Variants in SLC5A10 observed in about 807,000 individuals in gnomAD.
SLC5A10 encodes sodium/mannose cotransporter SLC5A10.
A neutral mutation model predicts 68.9 loss-of-function variants in SLC5A10; 55 were observed. That is an observed-to-expected ratio of 0.80 (90% CI 0.64 to 1.00). The LOEUF (loss-of-function observed/expected upper bound fraction) is 1.00, where lower values mean the gene tolerates loss of function less well. Ranked by LOEUF, SLC5A10 falls within the 50% of genes least tolerant of loss-of-function variation. SLC5A10 has a pLI of 0.00. For synonymous variants in SLC5A10, 344 were observed against 344.8 expected (o/e 1.00, Z 0.02); for missense variants, 732 against 819.3 (o/e 0.89, Z 1.30).
chr17:19,005,039 G>T (rs1212181894), intron 9 of SLC5A10, among the ~76,000 whole-genome samples: 1 of 152,212 alleles, frequency 6.6e-6, no homozygotes, highest in African/African-American at 2.4e-5. Context: ...ACCCCCCTGT[G>T]CCCCCAGGGT....
chr17:19,013,211 AC>A, intron 9 of SLC5A10, 198 bp from the exon 10 acceptor site: 1 of 738,520 alleles, frequency 1.4e-6, no homozygotes, highest in African/African-American at 1.9e-5. Flanking sequence ...ATGATGGAGA[AC>A]AGCAGGGAAA....
At chr17:18,962,776 G>GC (rs1476028096) in intron 5 of SLC5A10, among the ~76,000 whole-genome samples, 1 of 152,158 alleles carries the variant, frequency 6.6e-6, no homozygotes, top group African/African-American at 2.4e-5. Context: ...TTGTGAGGAG[G>GC]CCCCAGGTAG....
rs755345347 is a variant in SLC5A10, at chr17:18,977,555, AC to A, written c.982+570del. On this transcript the variant is annotated intron_variant, in intron 9 of 14. Transcript: ENST00000395645. The stretch of plus-strand genomic sequence containing the variant: ...GGTGGCTGGCAGGGAGGGACTCGTG[AC>A]CCCTGGTGTGCAGGGACCCTGACCC... 34 of 1,588,496 alleles carry A rather than the reference AC, an allele frequency of 2.1e-5. No individual in the cohort carries two copies. In the African/African-American group the frequency reaches 4.3e-4, roughly 20 times the overall value.
intron 9 of SLC5A10, among the ~76,000 whole-genome samples, chr17:18,997,038 T>G (rs1055667873): frequency 6.6e-6 from 1 of 152,202 alleles, no homozygotes; most frequent in Non-Finnish European, 1.5e-5. Flanking sequence ...CCCTTGACAT[T>G]CATCAGCTCT....
Position 19,017,271 on chromosome 17 carries a change from G to T in SLC5A10, c.1241+2072G>T, listed in dbSNP as rs563792807. 18 of 1,551,462 alleles carry T rather than the reference G, an allele frequency of 1.2e-5. No individual in the cohort carries two copies. Among genetic ancestry groups the T allele is most frequent in the Non-Finnish European group, 1.4e-5 (16 of 1,146,632 alleles). ...GTCAGGCTGGCCAGCTCAACTTCCC[G>T]TCCCTCTTACAGCACTGGGATACCC... On this transcript the variant is annotated intron_variant, in intron 11 of 14. Transcript: ENST00000395645. The surrounding 1 kb of genome is among the most constrained non-coding windows in gnomAD (Gnocchi z 5.6).
At chr17:18,984,005 C>T (rs1597861241) in intron 9 of SLC5A10, among the ~76,000 whole-genome samples, 1 of 152,300 alleles carries the variant, frequency 6.6e-6, no homozygotes, top group East Asian at 1.9e-4. Flanking sequence ...GGACAGTTAA[C>T]AATGCCAAAT....
In SLC5A10 at chr17:19,003,673, C is replaced by A; in HGVS notation, c.983-9737C>A. Reference sequence around the variant, plus strand: ...CCAGCTGCGGGATGGAGCGGTCCGACTTCTGGGGCCAGTACTCCAGGGAGG... The same window carrying A: ...CCAGCTGCGGGATGGAGCGGTCCGAATTCTGGGGCCAGTACTCCAGGGAGG... On this transcript the variant is annotated intron_variant, in intron 9 of 14. Transcript: ENST00000395645. This position sits in a 1 kb window ranked among gnomAD's most constrained non-coding sequence, Gnocchi z 4.5. 1 of 1,611,502 alleles carries A rather than the reference C, an allele frequency of 6.2e-7. No homozygotes were observed. Among genetic ancestry groups the A allele is most frequent in the Non-Finnish European group, 8.5e-7 (1 of 1,179,196 alleles).
intron 1 of SLC5A10, among the ~76,000 whole-genome samples, chr17:18,954,748 T>C (rs185531586): frequency 4.3e-4 from 66 of 152,302 alleles, no homozygotes; most frequent in African/African-American, 1.6e-3. Flanking sequence ...AACAAGTGAC[T>C]GAAAACTGCT....
intron 5 of SLC5A10, among the ~76,000 whole-genome samples, chr17:18,963,512 T>C (rs543043386): frequency 8.5e-5 from 13 of 152,376 alleles, no homozygotes; most frequent in Admixed American, 2.0e-4. Context: ...AGGGCGAAGC[T>C]TGAGGAATGC....
At position 18,971,695 on chromosome 17, in the gene SLC5A10, G is replaced by A. The variant is rs187116335; in HGVS notation, c.846+477G>A. The A allele has an allele frequency of 1.7e-4, 268 of 1,605,586 alleles. No homozygotes were observed. The Middle Eastern group carries it at 2.6e-3, about 16-fold the overall frequency. ...GGTACCTAGGGGGTCCTGGGAAGCC[G>A]TCTTTATCCCTAGTCCCTGAGGCAG... On this transcript the variant is annotated intron_variant, in intron 8 of 14. Transcript: ENST00000395645. The surrounding 1 kb of genome is among the most constrained non-coding windows in gnomAD (Gnocchi z 5.5).
intron 9 of SLC5A10, chr17:18,978,926 G>A (rs771319857): frequency 3.2e-4 from 497 of 1,532,902 alleles, no homozygotes; most frequent in Non-Finnish European, 4.1e-4. Flanking sequence ...ACCCATAGCC[G>A]CTGGGCCTCA....
At chr17:18,980,267 T>G (rs2043096542) in intron 9 of SLC5A10, among the ~76,000 whole-genome samples, 1 of 151,996 alleles carries the variant, frequency 6.6e-6, no homozygotes, top group Non-Finnish European at 1.5e-5. Context: ...AGCAAACCTT[T>G]CTCCTTCCCC....
chr17:19,013,311 G>A (rs757205913), intron 9 of SLC5A10, 99 bp from the exon 10 acceptor site: 1 of 1,550,896 alleles, frequency 6.4e-7, no homozygotes, highest in Non-Finnish European at 8.7e-7. Flanking sequence ...GGCATTGATG[G>A]AGCAGGTCTG....
chr17:18,979,571 G>A (rs762729338), intron 9 of SLC5A10: 22 of 1,613,420 alleles, frequency 1.4e-5, no homozygotes, highest in Non-Finnish European at 1.8e-5. Context: ...CACACAGCCC[G>A]GTCTCCATCC....
intron 9 of SLC5A10, 157 bp downstream of exon 9, chr17:18,977,146 G>A (rs1351613638): frequency 3.0e-6 from 3 of 996,834 alleles, no homozygotes; most frequent in Admixed American, 2.4e-5. Context: ...CACAATCAAA[G>A]GGATTAACAT....
At chr17:18,979,758 C>T in intron 9 of SLC5A10, 2 of 1,509,174 alleles carry the variant, frequency 1.3e-6, no homozygotes, top group Non-Finnish European at 1.8e-6. Context: ...GCCCAGGGCT[C>T]AGAGGGGACT....
At chr17:18,991,235 G>C (rs1380618739) in intron 9 of SLC5A10, among the ~76,000 whole-genome samples, 2 of 152,174 alleles carry the variant, frequency 1.3e-5, no homozygotes, top group Non-Finnish European at 2.9e-5. Context: ...GTTTAAGGAA[G>C]GTCCTGGGGA....
intron 9 of SLC5A10, chr17:18,978,975 G>C (rs1315529982): frequency 3.7e-6 from 4 of 1,087,756 alleles, no homozygotes; most frequent in East Asian, 5.1e-5. Flanking sequence ...GAAGTGAATG[G>C]GGGCAGAGAG....
In SLC5A10 at chr17:18,963,582, G is replaced by A. The variant is rs187549811; in HGVS notation, c.453+2930G>A. 6.6e-5 allele frequency among the ~76,000 whole-genome samples: 10 copies of A among 152,378 alleles called. No homozygotes were observed. In the East Asian group the frequency reaches 1.9e-3, roughly 29 times the overall value. On this transcript the variant is annotated intron_variant, in intron 5 of 14. Coordinates refer to ENST00000395645, the MANE Select transcript of SLC5A10 (RefSeq NM_001042450.4). ...TACCCTGGCTGTTTGAAGTGCACGC[G>A]CCCAGGCGGTCCCCAGAGGCCCTGA... is the stretch of plus-strand genomic sequence containing the variant.
Sources: allele counts gnomAD v4.1 joint callset (sites outside exome capture counted in the v4.1 genomes callset), GRCh38; gene constraint gnomAD v4.1.1; non-coding constraint Gnocchi (gnomAD v3.1); transcripts MANE v1.5; gene names NCBI Gene and HGNC (gene_info 2026-07-23, HGNC 2026-07-21).